The following NBEA variants were observed in gnomAD, a reference collection of about 807,000 sequenced individuals.
The protein encoded by NBEA is lysosomal-trafficking regulator 2.
In NBEA, 44 loss-of-function variants were observed where a neutral mutation model predicts 343.4. That is an observed-to-expected ratio of 0.13 (90% CI 0.10 to 0.16). The LOEUF is 0.16. Among genes scored for constraint, NBEA ranks in the 10% least tolerant of loss-of-function variants. NBEA has a pLI of 1.00. For synonymous variants in NBEA, 1,175 were observed against 1,238.7 expected (o/e 0.95, Z 1.08); for missense variants, 2,555 against 3,631.3 (o/e 0.70, Z 7.62).
intron 33 of NBEA, among the ~76,000 whole-genome samples, chr13:35,223,785 C>G (rs1005572581): frequency 1.3e-5 from 2 of 152,218 alleles, no homozygotes; most frequent in Admixed American, 6.5e-5. Flanking sequence ...AATTTGGCAG[C>G]TTAAATCAGC....
chr13:35,451,875 C>T (rs1434783532), intron 39 of NBEA, among the ~76,000 whole-genome samples: 1 of 152,104 alleles, frequency 6.6e-6, no homozygotes, highest in African/African-American at 2.4e-5. Flanking sequence ...CTGCCTGTTT[C>T]CTCATCTTTA....
chr13:34,953,881 G>A (rs536311559), intron 1 of NBEA, among the ~76,000 whole-genome samples: 16 of 152,296 alleles, frequency 1.1e-4, no homozygotes, highest in African/African-American at 3.1e-4. Context: ...CAGCAGTGCC[G>A]TTAGATTCTC....
chr13:35,486,023 T>TA (rs1414151009), intron 41 of NBEA, among the ~76,000 whole-genome samples: 1 of 151,858 alleles, frequency 6.6e-6, no homozygotes, highest in South Asian at 2.1e-4. Flanking sequence ...TTGTTTAGTC[T>TA]AAAAAATAGG....
intron 40 of NBEA, among the ~76,000 whole-genome samples, chr13:35,464,466 T>A (rs941982436): frequency 2.0e-5 from 3 of 152,218 alleles, no homozygotes; most frequent in Non-Finnish European, 4.4e-5. Context: ...CATCATTCTA[T>A]CCCAACTGCT....
chr13:34,946,662 A>G (rs2152479952), intron 1 of NBEA, among the ~76,000 whole-genome samples: 1 of 149,860 alleles, frequency 6.7e-6, no homozygotes, highest in East Asian at 2.0e-4. Flanking sequence ...AGTGAGTTAT[A>G]TCAGTGTGTC....
At chr13:35,354,495 TCAA>T (rs1379591150) in intron 38 of NBEA, among the ~76,000 whole-genome samples, 1 of 152,146 alleles carries the variant, frequency 6.6e-6, no homozygotes, top group Admixed American at 6.5e-5. Context: ...TGCTAGCTAG[TCAA>T]CAACCTTTCT....
intron 1 of NBEA, among the ~76,000 whole-genome samples, chr13:34,961,143 G>T (rs924932139): frequency 2.0e-5 from 3 of 152,012 alleles, no homozygotes; most frequent in Non-Finnish European, 1.5e-5. Context: ...TATTATCTGT[G>T]TATGTAAAAA....
intron 39 of NBEA, among the ~76,000 whole-genome samples, chr13:35,442,540 T>G (rs2045795328): frequency 6.6e-6 from 1 of 152,146 alleles, no homozygotes; most frequent in South Asian, 2.1e-4. Context: ...GTTTTCTACG[T>G]TGACTCCATT....
chr13:35,486,959 G>T (rs906209701), intron 41 of NBEA, among the ~76,000 whole-genome samples: 5 of 151,892 alleles, frequency 3.3e-5, no homozygotes, highest in Non-Finnish European at 5.9e-5. Flanking sequence ...TAAATGTGAT[G>T]AGGAGAAGCA....
chr13:35,366,030 T>C (rs1389323285), intron 38 of NBEA, among the ~76,000 whole-genome samples: 1 of 151,632 alleles, frequency 6.6e-6, no homozygotes, highest in African/African-American at 2.4e-5. Flanking sequence ...AAGTCATCTG[T>C]CATGGATACA....
At chr13:35,417,643 G>C (rs897752081) in intron 38 of NBEA, among the ~76,000 whole-genome samples, 1 of 152,138 alleles carries the variant, frequency 6.6e-6, no homozygotes, top group African/African-American at 2.4e-5. Flanking sequence ...GCTGAGGAGT[G>C]CTTTACTTCC....
intron 46 of NBEA, among the ~76,000 whole-genome samples, chr13:35,591,663 G>A (rs1032105386): frequency 1.3e-5 from 2 of 151,910 alleles, no homozygotes; most frequent in African/African-American, 4.8e-5. Flanking sequence ...ATGACATCTG[G>A]CCATACTAAA....
chr13:35,273,917 G>A (rs780252581), intron 34 of NBEA, among the ~76,000 whole-genome samples: 1 of 152,142 alleles, frequency 6.6e-6, no homozygotes, highest in Non-Finnish European at 1.5e-5. Context: ...CAGATTCACA[G>A]CCGAATTCTA....
At chr13:35,238,815 C>G (rs2075354184) in intron 34 of NBEA, among the ~76,000 whole-genome samples, 1 of 152,012 alleles carries the variant, frequency 6.6e-6, no homozygotes, top group Non-Finnish European at 1.5e-5. Flanking sequence ...ATATAATACT[C>G]AAGAATATTT....
intron 40 of NBEA, among the ~76,000 whole-genome samples, chr13:35,461,601 A>G (rs75817447): frequency 3.3e-4 from 50 of 152,264 alleles, no homozygotes; most frequent in African/African-American, 1.1e-3. Context: ...TAACAAAACA[A>G]TTTTCCTAGT....
intron 41 of NBEA, among the ~76,000 whole-genome samples, chr13:35,503,597 C>G (rs1174857536): frequency 1.3e-5 from 2 of 151,744 alleles, no homozygotes; most frequent in Non-Finnish European, 2.9e-5. Flanking sequence ...CTTTTGTATA[C>G]TTGTTCATTT....
At chr13:35,665,677 G>T (rs1432647518) in intron 56 of NBEA, among the ~76,000 whole-genome samples, 2 of 152,064 alleles carry the variant, frequency 1.3e-5, no homozygotes, top group Admixed American at 6.6e-5. Flanking sequence ...CGCAGGCTGG[G>T]GTGCAATGGT....
At chr13:35,024,115 A>G (rs2061937445) in intron 1 of NBEA, among the ~76,000 whole-genome samples, 1 of 152,102 alleles carries the variant, frequency 6.6e-6, no homozygotes, top group African/African-American at 2.4e-5. Context: ...TGTTCATGTG[A>G]TAATTTGCTT....
intron 16 of NBEA, 116 bp downstream of exon 16, chr13:35,118,590 A>G: frequency 1.3e-6 from 1 of 756,446 alleles, no homozygotes; most frequent in South Asian, 2.1e-5. Context: ...TGCACATAAG[A>G]GAATAAATGG....
Sources: allele counts gnomAD v4.1 joint callset (sites outside exome capture counted in the v4.1 genomes callset), GRCh38; gene constraint gnomAD v4.1.1; transcripts MANE v1.5; gene names NCBI Gene and HGNC (gene_info 2026-07-23, HGNC 2026-07-21).